SULF1: variants seen among roughly 807,000 people sequenced by gnomAD.
SULF1 encodes extracellular sulfatase Sulf-1.
In SULF1, 46 loss-of-function variants were observed where a neutral mutation model predicts 110.5. The observed-to-expected ratio is 0.42, with a 90% CI of 0.33 to 0.53. The LOEUF (loss-of-function observed/expected upper bound fraction) is 0.53, where lower values mean the gene tolerates loss of function less well. SULF1 is among the 20% of genes least tolerant of loss of function. The pLI is 0.12. For missense variants in SULF1, 941 were observed against 1,094.2 expected (o/e 0.86, Z 1.98); for synonymous variants, 371 against 387.1 (o/e 0.96, Z 0.49).
At chr8:69,639,525 T>C (rs968120420) in intron 21 of SULF1, among the ~76,000 whole-genome samples, 1 of 152,218 alleles carries the variant, frequency 6.6e-6, no homozygotes, top group Non-Finnish European at 1.5e-5. Flanking sequence ...TTCTGGTTAA[T>C]GAAAATACTC....
chr8:69,610,199 C>A (rs897890659), intron 13 of SULF1, among the ~76,000 whole-genome samples: 2 of 152,048 alleles, frequency 1.3e-5, no homozygotes, highest in African/African-American at 4.8e-5. Context: ...CTGTGAGGAC[C>A]CCTGCATCAA....
At chr8:69,643,107 G>A (rs141431608) in intron 22 of SULF1, among the ~76,000 whole-genome samples, 14 of 152,282 alleles carry the variant, frequency 9.2e-5, no homozygotes, top group African/African-American at 3.4e-4. Context: ...AGTCCATAGG[G>A]CAAGCCATCT....
intron 13 of SULF1, among the ~76,000 whole-genome samples, chr8:69,617,976 T>G (rs1456824396): frequency 6.6e-6 from 1 of 152,166 alleles, no homozygotes; most frequent in Non-Finnish European, 1.5e-5. Context: ...TAGACTTAAA[T>G]ATATCCCTCC....
At position 69,627,853 on chromosome 8, in the gene SULF1, T is replaced by A. The variant is rs761813457; in HGVS notation, c.2029T>A (p.Cys677Ser). Residue 677 changes from cysteine to serine, a missense_variant, in exon 17 of 23, where the codon TGC becomes AGC. Physicochemically the swap from Cys to Ser is moderately radical, Grantham distance 112 (BLOSUM62 -1). Around this residue, in one of 3 missense-constraint regions of SULF1, gnomAD observed 822 missense variants for 934.3 expected, o/e 0.88. Coordinates refer to ENST00000402687, the MANE Select transcript of SULF1 (RefSeq NM_001128205.2). The stretch of plus-strand genomic sequence containing the variant: ...GAGAAGGAAGCCTGAGGAATGTAGC[T>A]GCAGTAAACAAAGGTGAGCTTGTTT... ...LKRRKPEECS[C>S]SKQSYYNKEK... 5 of 1,612,636 alleles carry A rather than the reference T, an allele frequency of 3.1e-6. No individual in the cohort carries two copies. Among genetic ancestry groups the A allele is most frequent in the Non-Finnish European group, 3.4e-6 (4 of 1,179,278 alleles).
chr8:69,657,711 G>T (rs1307208606), intron 22 of SULF1, among the ~76,000 whole-genome samples: 1 of 152,178 alleles, frequency 6.6e-6, no homozygotes. Flanking sequence ...TCTTCTTGCT[G>T]GTCTGTATGG....
intron 3 of SULF1, among the ~76,000 whole-genome samples, chr8:69,524,598 G>A (rs1372897527): frequency 6.6e-6 from 1 of 152,090 alleles, no homozygotes; most frequent in Non-Finnish European, 1.5e-5. Context: ...ATTTCAACAT[G>A]AGACTTGGAG....
chr8:69,652,236 A>G (rs993207896), intron 22 of SULF1, among the ~76,000 whole-genome samples: 2 of 151,990 alleles, frequency 1.3e-5, no homozygotes, highest in Non-Finnish European at 1.5e-5. Flanking sequence ...CCCCACCCCA[A>G]TCTCAGGATC....
chr8:69,468,242 G>A (rs1293690966), intron 1 of SULF1, among the ~76,000 whole-genome samples: 1 of 152,128 alleles, frequency 6.6e-6, no homozygotes, highest in African/African-American at 2.4e-5. Flanking sequence ...GAATAATATT[G>A]TATATAAGCT....
At chr8:69,524,216 C>G (rs1032270570) in intron 3 of SULF1, among the ~76,000 whole-genome samples, 1 of 152,042 alleles carries the variant, frequency 6.6e-6, no homozygotes, top group South Asian at 2.1e-4. Context: ...TGGCATGACA[C>G]TGATTCAACG....
chr8:69,578,774 GAC>G (rs1268295949), intron 6 of SULF1, among the ~76,000 whole-genome samples: 1 of 152,062 alleles, frequency 6.6e-6, no homozygotes. Context: ...CCAGGGTTTA[GAC>G]ACTTAGGTAA....
chr8:69,601,711 G>A lies in SULF1; in HGVS notation c.943G>A (p.Ala315Thr), dbSNP rs1455398001. The A allele has an allele frequency of 5.0e-6, 8 of 1,613,150 alleles. No homozygotes were observed. Among genetic ancestry groups the A allele is most frequent in the East Asian group, 2.2e-5 (1 of 44,844 alleles). The change falls in exon 10 of 23, where the codon GCC becomes ACC. Residue 315 changes from alanine (A) to threonine (T), a missense_variant. Ala to Thr is a moderately conservative substitution (Grantham distance 58). This residue lies in a region of SULF1 where 822 missense variants were observed against 934.3 expected (regional missense o/e 0.88). Transcript: ENST00000402687. ...ELENTYIIYT[A>T]DHGYHIGQFG... ...GGAGAATACTTACATCATTTACACCGCCGACCATGGTTACCATATTGGGCA... is the reference window on the plus strand; with the variant it reads ...GGAGAATACTTACATCATTTACACCACCGACCATGGTTACCATATTGGGCA...
chr8:69,628,314 C>A, intron 18 of SULF1, 78 bp downstream of exon 18: 1 of 1,225,632 alleles, frequency 8.2e-7, no homozygotes, highest in South Asian at 1.2e-5. Flanking sequence ...CTGGAGGGAC[C>A]CCTGTGTTTC....
Position 69,659,621 on chromosome 8 carries a change from T to A in SULF1, c.*1086T>A, listed in dbSNP as rs1812982323. The A allele has an allele frequency of 5.6e-6, 1 of 177,976 alleles. No individual in the cohort carries two copies. The highest frequency in any genetic ancestry group is 1.2e-5 in the Non-Finnish European group (1 of 82,296). 11.0% of individuals were successfully genotyped at this position (177,976 alleles called of 1,614,324 possible). On this transcript the variant is annotated 3_prime_UTR_variant, in exon 23 of 23. Transcript: ENST00000402687. ...CTTTTGAATATCGTAGGGACATAAG[T>A]ATATACATGTTATCCAATCAAGATG...
intron 1 of SULF1, among the ~76,000 whole-genome samples, chr8:69,470,892 G>A (rs1465533603): frequency 3.3e-5 from 5 of 152,096 alleles, no homozygotes; most frequent in Non-Finnish European, 5.9e-5. Flanking sequence ...CTACTTTCTA[G>A]CCTTTTCTTT....
intron 6 of SULF1, among the ~76,000 whole-genome samples, chr8:69,585,357 C>T (rs907691981): frequency 1.3e-5 from 2 of 152,166 alleles, no homozygotes; most frequent in African/African-American, 4.8e-5. Context: ...CAAATAACAT[C>T]CTCTTGCTCT....
At chr8:69,574,369 CAT>C (rs1270150636) in intron 5 of SULF1, among the ~76,000 whole-genome samples, 2 of 152,312 alleles carry the variant, frequency 1.3e-5, no homozygotes, top group East Asian at 1.9e-4. Flanking sequence ...GAGCATCACA[CAT>C]GTCACTCGCT....
intron 19 of SULF1, among the ~76,000 whole-genome samples, chr8:69,631,452 TAAAGAG>T: frequency 6.6e-6 from 1 of 152,292 alleles, no homozygotes; most frequent in South Asian, 2.1e-4. Context: ...TTTCTTAAGC[TAAAGAG>T]CAGAATCCCT....
intron 3 of SULF1, among the ~76,000 whole-genome samples, chr8:69,528,263 A>C (rs979571583): frequency 1.3e-5 from 2 of 152,134 alleles, no homozygotes; most frequent in African/African-American, 4.8e-5. Context: ...GAGGGTATAA[A>C]TATGCTAATA....
At chr8:69,563,315 AC>A (rs1815643004) in intron 3 of SULF1, 1 of 152,126 alleles carries the variant, frequency 6.6e-6, no homozygotes, top group Admixed American at 6.6e-5. Context: ...ATACCTTACC[AC>A]CCTTTTATGG....
Sources: gnomAD v4.1 joint callset for allele counts (sites outside exome capture counted in the v4.1 genomes callset) on GRCh38, gnomAD v4.1.1 for gene constraint, gnomAD v4.1.1 regional missense constraint, MANE v1.5 for transcripts, NCBI Gene and HGNC (gene_info 2026-07-23, HGNC 2026-07-21) for gene names.